The following PIKFYVE variants were observed in gnomAD, a reference collection of about 807,000 sequenced individuals.
PIKFYVE encodes the protein phosphoinositide kinase, FYVE-type zinc finger containing, also known as 1-phosphatidylinositol 3-phosphate 5-kinase.
A neutral mutation model predicts 257.9 loss-of-function variants in PIKFYVE; 122 were observed. The ratio of observed to expected loss-of-function variants is 0.47; its 90% CI spans 0.41 to 0.55. The LOEUF (loss-of-function observed/expected upper bound fraction) is 0.55. Among genes scored for constraint, PIKFYVE ranks in the 20% least tolerant of loss-of-function variants. The probability of loss-of-function intolerance (pLI) is 0.00; values close to 1 mark genes in which losing one functional copy is unlikely to be tolerated. For missense variants in PIKFYVE, 2,160 were observed against 2,536.6 expected (o/e 0.85, Z 3.19); for synonymous variants, 892 against 868.9 (o/e 1.03, Z -0.47).
At chr2:208,302,566 T>C (rs1693824789) in intron 10 of PIKFYVE, 2 of 537,700 alleles carry the variant, frequency 3.7e-6, no homozygotes, top group African/African-American at 3.8e-5. Context: ...ACTTTAAATT[T>C]GATCAGACAA....
chr2:208,285,257 G>A (rs1053297117), intron 5 of PIKFYVE, among the ~76,000 whole-genome samples: 1 of 151,952 alleles, frequency 6.6e-6, no homozygotes, highest in Non-Finnish European at 1.5e-5. Flanking sequence ...TACCATGCCC[G>A]GCTAATTTTT....
chr2:208,306,838 C>T (rs1054722076), intron 12 of PIKFYVE, among the ~76,000 whole-genome samples: 7 of 150,248 alleles, frequency 4.7e-5, no homozygotes, highest in African/African-American at 1.5e-4. Flanking sequence ...AGTGCAGTGG[C>T]GCGATCTTGG....
chr2:208,296,392 A>C (rs1213465917), intron 7 of PIKFYVE, among the ~76,000 whole-genome samples: 1 of 152,204 alleles, frequency 6.6e-6, no homozygotes. Flanking sequence ...GAAAGACATC[A>C]AAGGTGACTC....
chr2:208,350,734 T>A (rs752013042), intron 36 of PIKFYVE, 37 bp from the exon 37 acceptor site: 5 of 1,606,536 alleles, frequency 3.1e-6, no homozygotes, highest in Non-Finnish European at 4.3e-6. Flanking sequence ...ATTTTCTGAG[T>A]CATAAAGCTT....
chr2:208,344,979 A>G (rs1699096122), intron 32 of PIKFYVE, 132 bp from the exon 33 acceptor site: 1 of 680,554 alleles, frequency 1.5e-6, no homozygotes, highest in Admixed American at 2.6e-5. Flanking sequence ...TTTGTCAGTT[A>G]ACCAAAATTA....
intron 8 of PIKFYVE, among the ~76,000 whole-genome samples, chr2:208,299,925 G>A (rs1215465669): frequency 1.3e-5 from 2 of 152,096 alleles, no homozygotes; most frequent in Non-Finnish European, 2.9e-5. Context: ...GCTAGGGTGA[G>A]AGGACTCTTG....
chr2:208,276,620 C>A, intron 3 of PIKFYVE, 92 bp from the exon 4 acceptor site: 1 of 906,678 alleles, frequency 1.1e-6, no homozygotes, highest in Non-Finnish European at 1.9e-6. Context: ...TATATGCCAA[C>A]AATAAGAGGC....
Position 208,350,070 on chromosome 2 carries a change from T to A in PIKFYVE, c.5421T>A (p.Pro1807=), listed in dbSNP as rs987687060. 2.5e-6 allele frequency: 4 copies of A among 1,612,490 alleles called. No homozygotes were observed. Among genetic ancestry groups the A allele is most frequent in the Non-Finnish European group, 3.4e-6 (4 of 1,178,990 alleles). Residue 1807 remains proline (P), a synonymous_variant, in exon 36 of 42, where the codon CCT becomes CCA. Transcript: ENST00000264380. ...GDTQKKQLIN[P]HVELQFSDAN... The stretch of plus-strand genomic sequence containing the variant: ...CACAAAAGAAGCAACTCATAAATCC[T>A]CATGTGGAACTTCGTAAGTATGAGA...
chr2:208,269,920 G>C, intron 1 of PIKFYVE: 1 of 267,466 alleles, frequency 3.7e-6, no homozygotes, highest in South Asian at 6.2e-5. Context: ...GAGATGGAGG[G>C]CCCTGCTGGT....
At chr2:208,335,677 A>T in intron 25 of PIKFYVE, 116 bp from the exon 26 acceptor site, 1 of 923,644 alleles carries the variant, frequency 1.1e-6, no homozygotes, top group Non-Finnish European at 1.7e-6. Flanking sequence ...TGTAATTCTT[A>T]ATTAGGTAAA....
chr2:208,301,213 A>G, intron 9 of PIKFYVE, 119 bp downstream of exon 9: 1 of 1,296,810 alleles, frequency 7.7e-7, no homozygotes, highest in Non-Finnish European at 1.1e-6. Flanking sequence ...GTTTTATGTA[A>G]TTGATGGTTT....
Position 208,336,135 on chromosome 2 carries a change from G to A in PIKFYVE, c.4455G>A (p.Ser1485=), listed in dbSNP as rs145498570. ...SSVDTPQQLQ[S]VFESLIAKKQ... ...TAGATACCCCTCAGCAACTGCAGTC[G>A]GTCTTTGAGTCACTCATTGCCAAGA... Residue 1485 remains serine, a synonymous_variant, in exon 27 of 42, where the codon TCG becomes TCA. Transcript: ENST00000264380. The A allele has an allele frequency of 1.2e-3, 1,940 of 1,613,880 alleles. 3 individuals carry two copies. The highest frequency in any genetic ancestry group is 1.6e-3 in the Non-Finnish European group (1,839 of 1,179,956).
chr2:208,337,779 T>C (rs1698302158), intron 28 of PIKFYVE, among the ~76,000 whole-genome samples: 1 of 152,150 alleles, frequency 6.6e-6, no homozygotes, highest in East Asian at 1.9e-4. Flanking sequence ...TGGAGTGCAG[T>C]GGTGCGATCG....
chr2:208,298,708 T>G lies in PIKFYVE; in HGVS notation c.979T>G (p.Ser327Ala). The change falls in exon 8 of 42, where the codon TCT becomes GCT. Residue 327 changes from serine (S) to alanine (A), a missense_variant. Coordinates refer to ENST00000264380, the MANE Select transcript of PIKFYVE (RefSeq NM_015040.4). ...TCCTATGGTACCTTCATATGAGACA[T>G]CTGTCAGTCCCCAGGCTAACCGAAC... ...GSPMVPSYET[S>A]VSPQANRTYV... The G allele has an allele frequency of 6.2e-7, 1 of 1,614,096 alleles. No homozygotes were observed. The highest frequency in any genetic ancestry group is 8.5e-7 in the Non-Finnish European group (1 of 1,179,932).
At chr2:208,301,196 G>A (rs1047331092) in intron 9 of PIKFYVE, 102 bp downstream of exon 9, 1 of 1,432,742 alleles carries the variant, frequency 7.0e-7, no homozygotes, top group East Asian at 2.4e-5. Context: ...GAGTTAGGGT[G>A]CTCTTTGTTT....
Position 208,335,784 on chromosome 2 carries a change from T to C in PIKFYVE, c.4257-9T>C, listed in dbSNP as rs767263810. ...TTTCTAAAGTGTTTAATGCTCTCGC[T>C]ATTGTTAGAGTTTCACAGGTATATG... On this transcript the variant is annotated splice_polypyrimidine_tract_variant and intron_variant, in intron 25 of 41. Coordinates refer to ENST00000264380, the MANE Select transcript of PIKFYVE (RefSeq NM_015040.4). The C allele has an allele frequency of 1.3e-6, 2 of 1,592,660 alleles. No individual in the cohort carries two copies. The highest frequency in any genetic ancestry group is 1.7e-5 in the Admixed American group (1 of 59,968).
intron 18 of PIKFYVE, 79 bp downstream of exon 18, chr2:208,324,361 A>G (rs1183704730): frequency 2.7e-6 from 4 of 1,467,406 alleles, no homozygotes. Flanking sequence ...TAGGTATACA[A>G]GAATCTTTTT....
intron 30 of PIKFYVE, 130 bp from the exon 31 acceptor site, chr2:208,339,881 G>T (rs1698538323): frequency 1.7e-6 from 2 of 1,144,152 alleles, no homozygotes; most frequent in South Asian, 3.0e-5. Context: ...CCCTTGATCA[G>T]AAATTTTAAA....
intron 5 of PIKFYVE, among the ~76,000 whole-genome samples, chr2:208,280,560 G>A (rs767057341): frequency 5.3e-5 from 8 of 152,156 alleles, no homozygotes; most frequent in Non-Finnish European, 7.4e-5. Context: ...CTTGGTAAAA[G>A]CATAGGTCTC....
Sources: gnomAD v4.1 joint callset for allele counts (sites outside exome capture counted in the v4.1 genomes callset) on GRCh38, gnomAD v4.1.1 for gene constraint, MANE v1.5 for transcripts, NCBI Gene and HGNC (gene_info 2026-07-23, HGNC 2026-07-21) for gene names.